The following PACRGL variants were observed in gnomAD, a reference collection of about 807,000 sequenced individuals.
The protein encoded by PACRGL is parkin coregulated like.
A neutral mutation model predicts 34.5 loss-of-function variants in PACRGL; 38 were observed. That is an observed-to-expected ratio of 1.10 (90% CI 0.85 to 1.44). The LOEUF is 1.44. Ranked by LOEUF, PACRGL falls within the 40% of genes most tolerant of loss-of-function variation. The pLI is 0.00. For missense variants in PACRGL, 305 were observed against 281.4 expected, an observed-to-expected ratio of 1.08 and a Z score of -0.60; for synonymous variants, 128 against 100.1, an observed-to-expected ratio of 1.28 and a Z score of -1.66.
intron 4 of PACRGL, among the ~76,000 whole-genome samples, chr4:20,708,117 C>G (rs1178992468): frequency 6.6e-6 from 1 of 152,008 alleles, no homozygotes; most frequent in South Asian, 2.1e-4. Context: ...TTACTTGAAC[C>G]CTTTTTCTAA....
intron 7 of PACRGL, among the ~76,000 whole-genome samples, chr4:20,719,974 T>C (rs545146433): frequency 0.017 from 2,525 of 152,216 alleles, 64 homozygotes; most frequent in African/African-American, 0.058. Context: ...GAAATCTCTT[T>C]GTAGGTCACT....
At chr4:20,735,537 T>A (rs935658676), downstream of PACRGL, among the ~76,000 whole-genome samples, 1 of 146,758 alleles carries the variant, frequency 6.8e-6, no homozygotes, top group African/African-American at 2.5e-5. Context: ...TTTGTTTTTT[T>A]TTTTTTTTTT....
the PACRGL span, among the ~76,000 whole-genome samples, chr4:20,761,665 C>T: frequency 4.3e-4 from 65 of 152,212 alleles, no homozygotes; most frequent in Admixed American, 4.1e-3. Flanking sequence ...GCAAAGGGAC[C>T]TCTGCATCAA....
At chr4:20,751,914 A>G (rs977586973) in intron 8 of PACRGL, among the ~76,000 whole-genome samples, 1 of 152,182 alleles carries the variant, frequency 6.6e-6, no homozygotes, top group Non-Finnish European at 1.5e-5. Flanking sequence ...TGATAATAGC[A>G]TAGTGGAGTC....
chr4:20,758,773 A>T, the PACRGL span: 1 of 1,433,558 alleles, frequency 7.0e-7, no homozygotes, highest in South Asian at 1.2e-5. Context: ...CACTGCAAGC[A>T]TAATTGTAAC....
rs763340471 is a variant in PACRGL, at chr4:20,704,648, G to GTT, written c.53-6_53-5dup. 5 of 1,613,852 alleles carry GTT rather than the reference G, an allele frequency of 3.1e-6. No individual in the cohort carries two copies. The highest frequency in any genetic ancestry group is 4.2e-6 in the Non-Finnish European group (5 of 1,179,876). The stretch of plus-strand genomic sequence containing the variant: ...TGTACCTGGTTTCTATTGATGTTCT[G>GTT]TTTTTTTCCAGGTAACTATGATCAA... On this transcript the variant is annotated splice_polypyrimidine_tract_variant and intron_variant, in intron 2 of 8. Coordinates refer to ENST00000503585, the MANE Select transcript of PACRGL (RefSeq NM_001258345.3).
In PACRGL at chr4:20,729,243, A is replaced by C. The variant is rs539792491; in HGVS notation, c.*1902A>C. The C allele has an allele frequency of 6.6e-6, 1 of 151,710 alleles. No homozygotes were observed. The highest frequency in any genetic ancestry group is 2.2e-4 in the South Asian group (1 of 4,508). 9.4% of individuals were successfully genotyped at this position (151,710 alleles called of 1,614,324 possible). ...AGCATTACTATATACTGGAGGATAG[A>C]TATCCTGACCCTTTGCATATGTCTG... On this transcript the variant is annotated 3_prime_UTR_variant, in exon 9 of 9. Transcript: ENST00000503585.
intron 8 of PACRGL, among the ~76,000 whole-genome samples, chr4:20,750,596 C>T (rs368446838): frequency 3.0e-4 from 46 of 152,186 alleles, no homozygotes; most frequent in East Asian, 2.3e-3. Context: ...CCTGTTTCTC[C>T]GTTGTCTCCT....
At chr4:20,746,142 A>T (rs1249722652) in intron 8 of PACRGL, among the ~76,000 whole-genome samples, 1 of 152,154 alleles carries the variant, frequency 6.6e-6, no homozygotes, top group Non-Finnish European at 1.5e-5. Flanking sequence ...GTCCATCAAT[A>T]ATACACTGGA....
chr4:20,747,426 G>A (rs1474277455), intron 8 of PACRGL, among the ~76,000 whole-genome samples: 1 of 152,116 alleles, frequency 6.6e-6, no homozygotes, highest in East Asian at 1.9e-4. Flanking sequence ...TGTTTCTAAA[G>A]TGAAGCAAAC....
chr4:20,764,709 A>ACACACACAC, the PACRGL span, among the ~76,000 whole-genome samples: 2 of 92,530 alleles, frequency 2.2e-5, no homozygotes, highest in East Asian at 8.2e-4. Context: ...CACACACACA[A>ACACACACAC]CCCCATGAAC....
chr4:20,753,101 A>G (rs777242969), downstream of PACRGL, among the ~76,000 whole-genome samples: 12 of 152,220 alleles, frequency 7.9e-5, no homozygotes, highest in Non-Finnish European at 1.6e-4. Context: ...TTGAGATTTT[A>G]TAGTTGAGCA....
rs545813102 is a variant in PACRGL at position 20,712,255 on chromosome 4, AT to A, written c.367-523del. The stretch of plus-strand genomic sequence containing the variant: ...CATTTCTTTTCTTTTCCTTTTTCTT[AT>A]TTTTTTTTTCTTCTCCCTTCCTTCC... On this transcript the variant is annotated intron_variant, in intron 5 of 8. Transcript: ENST00000503585. 1.6e-3 allele frequency among the ~76,000 whole-genome samples: 182 copies of A among 112,350 alleles called. 2 individuals are homozygous for A. Among genetic ancestry groups the A allele is most frequent in the African/African-American group, 2.6e-3 (78 of 29,936 alleles). The allele number at this position is 112,350 out of a possible 152,430, so 73.7% of individuals were successfully genotyped here. A position where few individuals can be genotyped will look rare whatever the true frequency, so the allele number is the denominator to read the frequency against.
At chr4:20,759,886 C>T in the PACRGL span, among the ~76,000 whole-genome samples, 25 of 152,020 alleles carry the variant, frequency 1.6e-4, no homozygotes, top group African/African-American at 5.1e-4. Flanking sequence ...CCCTTGTTAT[C>T]CTTGGGGCAT....
chr4:20,708,388 G>A (rs986969434), intron 4 of PACRGL, among the ~76,000 whole-genome samples: 4 of 151,862 alleles, frequency 2.6e-5, no homozygotes, highest in Non-Finnish European at 5.9e-5. Flanking sequence ...AGTTCATCCA[G>A]TTTTAGCCTG....
intron 4 of PACRGL, among the ~76,000 whole-genome samples, chr4:20,709,331 T>C (rs2149079086): frequency 1.3e-5 from 2 of 152,334 alleles, no homozygotes; most frequent in Middle Eastern, 3.4e-3. Flanking sequence ...TTGTGAAACA[T>C]TTTTAATAAT....
chr4:20,761,029 C>T, the PACRGL span, among the ~76,000 whole-genome samples: 1 of 152,108 alleles, frequency 6.6e-6, no homozygotes, highest in East Asian at 1.9e-4. Context: ...AGCTGGTAGA[C>T]TTTAAGTAAA....
chr4:20,716,096 A>T, intron 7 of PACRGL: 5 of 1,521,078 alleles, frequency 3.3e-6, no homozygotes, highest in Non-Finnish European at 4.4e-6. Flanking sequence ...TTTAATATAA[A>T]TATTTACTAG....
intron 1 of PACRGL, chr4:20,701,885 G>A (rs529933428): frequency 4.4e-6 from 2 of 456,382 alleles, no homozygotes; most frequent in South Asian, 3.1e-5. Context: ...TGTCGTTAAG[G>A]TAAAGGATAA....
Sources: gnomAD v4.1 joint callset for allele counts (sites outside exome capture counted in the v4.1 genomes callset) on GRCh38, gnomAD v4.1.1 for gene constraint, MANE v1.5 for transcripts, NCBI Gene and HGNC (gene_info 2026-07-23, HGNC 2026-07-21) for gene names.